Variants in LRP12 observed in about 807,000 individuals in gnomAD.
The protein encoded by LRP12 is LDL receptor related protein 12, also known as low-density lipoprotein receptor-related protein 12.
LRP12 carries 14 observed loss-of-function variants against 66.0 expected under a neutral mutation model. The observed-to-expected ratio is 0.21, with a 90% confidence interval of 0.14 to 0.33. The LOEUF (loss-of-function observed/expected upper bound fraction) is 0.33, where lower values mean the gene tolerates loss of function less well. Among genes scored for constraint, LRP12 ranks in the 10% least tolerant of loss-of-function variants. The probability of loss-of-function intolerance (pLI) is 1.00; values close to 1 mark genes in which losing one functional copy is unlikely to be tolerated. For synonymous variants in LRP12, 357 were observed against 359.1 expected (o/e 0.99, Z 0.07); for missense variants, 889 against 1,053.4 (o/e 0.84, Z 2.16).
At chr8:104,542,350 T>C (rs1427531632) in intron 1 of LRP12, among the ~76,000 whole-genome samples, 8 of 152,228 alleles carry the variant, frequency 5.3e-5, no homozygotes, top group Non-Finnish European at 1.0e-4. Context: ...ATTGTCTTTC[T>C]GTTATTGCTG....
At chr8:104,533,739 C>T (rs1320980796) in intron 1 of LRP12, among the ~76,000 whole-genome samples, 1 of 151,978 alleles carries the variant, frequency 6.6e-6, no homozygotes, top group African/African-American at 2.4e-5. Flanking sequence ...TGGACTAGAA[C>T]TCTTGGGCTC....
intron 6 of LRP12, among the ~76,000 whole-genome samples, chr8:104,493,453 G>A (rs909706127): frequency 1.4e-4 from 22 of 152,214 alleles, no homozygotes; most frequent in African/African-American, 5.1e-4. Context: ...GGGGTAGTGT[G>A]AGGTAATAAA....
At chr8:104,572,382 A>G (rs182922150) in intron 1 of LRP12, among the ~76,000 whole-genome samples, 30 of 152,358 alleles carry the variant, frequency 2.0e-4, no homozygotes, top group Admixed American at 4.6e-4. Context: ...CTGCACCAGA[A>G]AAAAAGAGAG....
intron 1 of LRP12, among the ~76,000 whole-genome samples, chr8:104,565,331 A>G (rs1361445322): frequency 6.6e-6 from 1 of 152,216 alleles, no homozygotes; most frequent in Non-Finnish European, 1.5e-5. Flanking sequence ...TCACAGACAC[A>G]TACTTGTGAA....
In LRP12 at chr8:104,490,641, C is replaced by T. The variant is rs1810603972; in HGVS notation, c.*32G>A. On this transcript the variant is annotated 3_prime_UTR_variant, in exon 7 of 7. Transcript: ENST00000276654. Reference sequence around the variant, plus strand: ...AAATAATAAATGGATATTGCTCCAACTTGTATACAATCTCCCTTATGTGAT... The same window carrying T: ...AAATAATAAATGGATATTGCTCCAATTTGTATACAATCTCCCTTATGTGAT... The T allele has an allele frequency of 6.4e-7, 1 of 1,550,740 alleles. No homozygotes were observed. Among genetic ancestry groups the T allele is most frequent in the East Asian group, 2.3e-5 (1 of 44,320 alleles).
At chr8:104,498,819 T>C (rs780241769) in intron 4 of LRP12, among the ~76,000 whole-genome samples, 29 of 152,224 alleles carry the variant, frequency 1.9e-4, no homozygotes, top group Non-Finnish European at 3.4e-4. Context: ...AGATCTTGCA[T>C]TTTGATCTAA....
intron 1 of LRP12, chr8:104,566,292 C>G: frequency 2.9e-6 from 1 of 344,378 alleles, no homozygotes; most frequent in Non-Finnish European, 5.1e-6. Flanking sequence ...AATTAGGAGA[C>G]CAACATTAAG....
rs138679495 is a variant in LRP12, at chr8:104,497,535, T to G, written c.1017A>C (p.Ala339=). 1.5e-5 allele frequency: 25 copies of G among 1,613,808 alleles called. No homozygotes were observed. Among genetic ancestry groups the G allele is most frequent in the Non-Finnish European group, 2.0e-5 (24 of 1,179,976 alleles). Residue 339 remains alanine (A), a synonymous_variant, in exon 5 of 7, where the codon GCA becomes GCC. Coordinates refer to ENST00000276654, the MANE Select transcript of LRP12 (RefSeq NM_013437.5). This position sits in a 1 kb window ranked among gnomAD's most constrained non-coding sequence, Gnocchi z 4.3. The part of the protein sequence containing the change: ...LRVLTAFDSH[A]PLTVVSSSGQ... The stretch of plus-strand genomic sequence containing the variant: ...CAGAAGAAGAAACAACTGTAAGAGG[T>G]GCATGAGAATCAAAAGCTGTCAACA...
intron 1 of LRP12, among the ~76,000 whole-genome samples, chr8:104,560,784 G>A (rs1476041561): frequency 6.6e-6 from 1 of 152,002 alleles, no homozygotes; most frequent in East Asian, 1.9e-4. Context: ...TGTTTTTTCA[G>A]TTTGCTTATT....
At chr8:104,514,575 C>T (rs960457766) in intron 2 of LRP12, among the ~76,000 whole-genome samples, 5 of 149,400 alleles carry the variant, frequency 3.3e-5, no homozygotes, top group Admixed American at 2.7e-4. Flanking sequence ...ATTAGCCAGG[C>T]GTGGTGGTGC....
At position 104,589,077 on chromosome 8, in the gene LRP12, C is replaced by T. The variant is rs931438553; in HGVS notation, c.-180G>A. The T allele has an allele frequency of 7.1e-6, 2 of 281,122 alleles. No homozygotes were observed. Among genetic ancestry groups the T allele is most frequent in the African/African-American group, 4.5e-5 (2 of 44,362 alleles). The allele number at this position is 281,122 out of a possible 1,614,324, so 17.4% of individuals were successfully genotyped here. A position where few individuals can be genotyped will look rare whatever the true frequency, so the allele number is the denominator to read the frequency against. ...GGCCGCCGCCGCCCGCGCGCGCTCC[C>T]TCCTCCCTCCTCCCTCCGGCTCGCC... On this transcript the variant is annotated 5_prime_UTR_variant, in exon 1 of 7. Transcript: ENST00000276654.
intron 1 of LRP12, among the ~76,000 whole-genome samples, chr8:104,569,341 T>C (rs1276867943): frequency 6.6e-6 from 1 of 152,160 alleles, no homozygotes; most frequent in Non-Finnish European, 1.5e-5. Flanking sequence ...TGGAATTAGA[T>C]AGTGGTGACA....
rs762928933 is a variant in LRP12, at chr8:104,509,093, A to G, written c.137-19T>C. ...CCACAAGCTGGAAGATAGCCAAAGCAATCTTTCCTTATTATTACACATTTA... is the reference window on the plus strand; with the variant it reads ...CCACAAGCTGGAAGATAGCCAAAGCGATCTTTCCTTATTATTACACATTTA... On this transcript the variant is annotated intron_variant, in intron 2 of 6. Transcript: ENST00000276654. The G allele has an allele frequency of 5.6e-6, 9 of 1,608,546 alleles. No individual in the cohort carries two copies. In the African/African-American group the frequency reaches 1.2e-4, roughly 22 times the overall value.
intron 1 of LRP12, among the ~76,000 whole-genome samples, chr8:104,584,180 C>T (rs773509896): frequency 2.0e-5 from 3 of 151,882 alleles, no homozygotes; most frequent in Non-Finnish European, 4.4e-5. Flanking sequence ...AGAAAGGTAA[C>T]CTTAGAAATT....
rs543490144 is a variant in LRP12 at position 104,578,115 on chromosome 8, G to GT, written c.79+10703dup. On this transcript the variant is annotated intron_variant, in intron 1 of 6. Coordinates refer to ENST00000276654, the MANE Select transcript of LRP12 (RefSeq NM_013437.5). ...AAAACATCAACAAATCCAGGAGCTG[G>GT]TTTTTTTTTTGAAAAAATTAATAAA... Among the ~76,000 whole-genome samples, 582 of 148,050 alleles carry GT rather than the reference G, an allele frequency of 3.9e-3. 1 individual carries two copies. The highest frequency in any genetic ancestry group is 7.1e-3 in the African/African-American group (285 of 40,418).
intron 2 of LRP12, among the ~76,000 whole-genome samples, chr8:104,512,341 C>T (rs1213905452): frequency 6.6e-6 from 1 of 152,004 alleles, no homozygotes; most frequent in Non-Finnish European, 1.5e-5. Context: ...ATTCTGGAGT[C>T]GCAGTAAGCT....
At position 104,547,716 on chromosome 8, in the gene LRP12, ATTATG is replaced by A. The variant is rs1204006644; in HGVS notation, c.80-15758_80-15754del. The stretch of plus-strand genomic sequence containing the variant: ...AATCATATATTATATATAATTCTAT[ATTATG>A]TTATATTTTGTATATAATATATAAT... On this transcript the variant is annotated intron_variant, in intron 1 of 6. Coordinates refer to ENST00000276654, the MANE Select transcript of LRP12 (RefSeq NM_013437.5). Among the ~76,000 whole-genome samples the A allele has an allele frequency of 1.3e-3, 161 of 126,720 alleles. 1 individual carries two copies. The highest frequency in any genetic ancestry group is 4.6e-3 in the African/African-American group (151 of 32,996). 83.1% of individuals were successfully genotyped at this position (126,720 alleles called of 152,430 possible). A position where few individuals can be genotyped will look rare whatever the true frequency, so the allele number is the denominator to read the frequency against.
At chr8:104,585,292 C>G (rs1012462870) in intron 1 of LRP12, among the ~76,000 whole-genome samples, 20 of 152,328 alleles carry the variant, frequency 1.3e-4, no homozygotes, top group Admixed American at 1.2e-3. Flanking sequence ...ATCGTGCAAT[C>G]TTGGCTCACT....
intron 1 of LRP12, among the ~76,000 whole-genome samples, chr8:104,558,698 A>G (rs932961609): frequency 6.6e-6 from 1 of 152,134 alleles, no homozygotes; most frequent in Non-Finnish European, 1.5e-5. Context: ...AATCTTCCCT[A>G]ACTATGCATC....
Sources: gnomAD v4.1 joint callset for allele counts (sites outside exome capture counted in the v4.1 genomes callset) on GRCh38, gnomAD v4.1.1 for gene constraint, Gnocchi (gnomAD v3.1) non-coding constraint, MANE v1.5 for transcripts, NCBI Gene and HGNC (gene_info 2026-07-23, HGNC 2026-07-21) for gene names.